The following NXPE2 variants were observed in gnomAD, a reference collection of about 807,000 sequenced individuals.
NXPE2 encodes neurexophilin and PC-esterase domain family member 2, also known as NXPE family member 2.
Under a neutral mutation model 34.4 loss-of-function variants are expected in NXPE2, and 34 were observed. The observed-to-expected ratio is 0.99, with a 90% CI of 0.75 to 1.31. NXPE2 has a LOEUF of 1.31. Among genes scored for constraint, NXPE2 ranks in the 40% most tolerant of loss-of-function variants. NXPE2 has a pLI of 0.00. For synonymous variants in NXPE2, 235 were observed against 231.3 expected (o/e 1.02, Z -0.15); for missense variants, 649 against 672.5 (o/e 0.97, Z 0.39).
At chr11:114,631,694 G>A in the NXPE2 span, among the ~76,000 whole-genome samples, 46 of 151,226 alleles carry the variant, frequency 3.0e-4, no homozygotes, top group Non-Finnish European at 4.3e-4. Flanking sequence ...GTATTGCCTC[G>A]TGGGTAACCA....
intron 3 of NXPE2, among the ~76,000 whole-genome samples, chr11:114,702,682 C>T (rs753567829): frequency 4.5e-4 from 69 of 152,036 alleles, no homozygotes; most frequent in Non-Finnish European, 3.8e-4. Flanking sequence ...GTCACATATC[C>T]AGTTGAATTG....
the NXPE2 span, among the ~76,000 whole-genome samples, chr11:114,508,230 C>T: frequency 6.6e-6 from 1 of 152,080 alleles, no homozygotes; most frequent in East Asian, 1.9e-4. Flanking sequence ...AAACACTGCT[C>T]AAAGAAATCA....
At chr11:114,551,475 T>C in the NXPE2 span, 33 of 1,097,682 alleles carry the variant, frequency 3.0e-5, no homozygotes, top group Non-Finnish European at 3.4e-5. Context: ...TTATAGGTTC[T>C]CTTAATGCCC....
chr11:114,567,023 AG>A, the NXPE2 span, among the ~76,000 whole-genome samples: 2 of 152,118 alleles, frequency 1.3e-5, no homozygotes, highest in Non-Finnish European at 1.5e-5. Flanking sequence ...AGGGCTTGGG[AG>A]GGGCATTGCA....
the NXPE2 span, among the ~76,000 whole-genome samples, chr11:114,649,730 G>A: frequency 6.6e-6 from 1 of 152,174 alleles, no homozygotes; most frequent in Non-Finnish European, 1.5e-5. Flanking sequence ...AAGGCCAGGT[G>A]GGGTGATGAA....
At chr11:114,580,756 A>G in the NXPE2 span, among the ~76,000 whole-genome samples, 1 of 152,180 alleles carries the variant, frequency 6.6e-6, no homozygotes, top group Admixed American at 6.5e-5. Context: ...AAATCCTTTG[A>G]GTTAAATAAA....
At chr11:114,634,605 T>C in the NXPE2 span, among the ~76,000 whole-genome samples, 1 of 152,054 alleles carries the variant, frequency 6.6e-6, no homozygotes, top group Non-Finnish European at 1.5e-5. Context: ...AGGTCTAACA[T>C]TTAAGTCTTT....
the NXPE2 span, among the ~76,000 whole-genome samples, chr11:114,632,676 TTA>T: frequency 8.7e-5 from 5 of 57,686 alleles, no homozygotes; most frequent in Non-Finnish European, 1.4e-4. Flanking sequence ...GTATATATAT[TTA>T]TATATATAAA....
the NXPE2 span, chr11:114,584,135 A>T: frequency 3.5e-6 from 1 of 289,218 alleles, no homozygotes; most frequent in Admixed American, 4.5e-5. Context: ...CAACCTGCCT[A>T]TGTTATTGAT....
At chr11:114,536,420 A>C in the NXPE2 span, among the ~76,000 whole-genome samples, 1 of 152,244 alleles carries the variant, frequency 6.6e-6, no homozygotes, top group African/African-American at 2.4e-5. Flanking sequence ...GAAGGCAAGA[A>C]ATAACTAAGA....
chr11:114,489,768 A>T, the NXPE2 span, among the ~76,000 whole-genome samples: 1 of 152,208 alleles, frequency 6.6e-6, no homozygotes, highest in Non-Finnish European at 1.5e-5. Flanking sequence ...ATGGACAAAA[A>T]CTGGGAGCAT....
At chr11:114,780,713 A>G in the NXPE2 span, among the ~76,000 whole-genome samples, 1 of 152,224 alleles carries the variant, frequency 6.6e-6, no homozygotes, top group Non-Finnish European at 1.5e-5. Flanking sequence ...ATTCTGACTC[A>G]GGGCGATCTG....
At chr11:114,593,894 C>T in the NXPE2 span, among the ~76,000 whole-genome samples, 1 of 152,114 alleles carries the variant, frequency 6.6e-6, no homozygotes, top group East Asian at 1.9e-4. Context: ...AACTGAAGGT[C>T]ATTATGTTAA....
chr11:114,544,454 A>G, the NXPE2 span, among the ~76,000 whole-genome samples: 1 of 152,240 alleles, frequency 6.6e-6, no homozygotes, highest in East Asian at 1.9e-4. Context: ...TTTTTGACAT[A>G]GGCACAAAGG....
At chr11:114,538,886 G>C in the NXPE2 span, among the ~76,000 whole-genome samples, 5 of 152,074 alleles carry the variant, frequency 3.3e-5, no homozygotes, top group Non-Finnish European at 5.9e-5. Context: ...TGATTCCTCA[G>C]GGATCTAGAA....
chr11:114,810,759 C>G, the NXPE2 span, among the ~76,000 whole-genome samples: 1 of 152,128 alleles, frequency 6.6e-6, no homozygotes, highest in Non-Finnish European at 1.5e-5. Flanking sequence ...ACTAGTTCAA[C>G]CATTGTGGAA....
At chr11:114,682,570 A>G (rs1950966901) in intron 2 of NXPE2, among the ~76,000 whole-genome samples, 1 of 152,238 alleles carries the variant, frequency 6.6e-6, no homozygotes, top group Admixed American at 6.5e-5. Context: ...CTGTAGCTCA[A>G]TGTCACAAGG....
At chr11:114,657,271 T>C in the NXPE2 span, among the ~76,000 whole-genome samples, 1 of 152,152 alleles carries the variant, frequency 6.6e-6, no homozygotes, top group South Asian at 2.1e-4. Context: ...AGCACAGAGG[T>C]TCTTAGCCAG....
the NXPE2 span, chr11:114,583,361 G>A: frequency 1.9e-3 from 1,209 of 621,908 alleles, 18 homozygotes; most frequent in African/African-American, 0.018. Flanking sequence ...CTGAATCTGC[G>A]TGACTCATAA....
Sources: gnomAD v4.1 joint callset for allele counts (sites outside exome capture counted in the v4.1 genomes callset) on GRCh38, gnomAD v4.1.1 for gene constraint, MANE v1.5 for transcripts, NCBI Gene and HGNC (gene_info 2026-07-23, HGNC 2026-07-21) for gene names.